AGBL1: variants seen among roughly 807,000 people sequenced by gnomAD.
AGBL1 encodes the protein cytosolic carboxypeptidase 4.
In AGBL1, 130 loss-of-function variants were observed where a neutral mutation model predicts 118.9. The observed-to-expected ratio is 1.09, with a 90% CI of 0.95 to 1.26. The LOEUF (loss-of-function observed/expected upper bound fraction) is 1.26. AGBL1 is among the 50% of genes most tolerant of loss of function. The pLI, the probability that AGBL1 is intolerant of heterozygous loss-of-function variation, is 0.00. For synonymous variants in AGBL1, 555 were observed against 478.9 expected (o/e 1.16, Z -2.08); for missense variants, 1,584 against 1,298.1 (o/e 1.22, Z -3.38).
At chr15:86,689,449 G>T (rs1193310797) in intron 22 of AGBL1, among the ~76,000 whole-genome samples, 1 of 152,074 alleles carries the variant, frequency 6.6e-6, no homozygotes, top group Non-Finnish European at 1.5e-5. Flanking sequence ...CTAGAATAAT[G>T]CCTGATGCAT....
chr15:86,924,459 C>T (rs924831199), intron 23 of AGBL1, among the ~76,000 whole-genome samples: 6 of 152,158 alleles, frequency 3.9e-5, no homozygotes, highest in Non-Finnish European at 7.4e-5. Flanking sequence ...GTAATATTAG[C>T]TATTGAAAAG....
At chr15:86,775,794 A>G (rs1327722309) in intron 22 of AGBL1, among the ~76,000 whole-genome samples, 1 of 152,134 alleles carries the variant, frequency 6.6e-6, no homozygotes, top group African/African-American at 2.4e-5. Flanking sequence ...AAACACATAA[A>G]AACATTTAGA....
rs997619331 is a variant in AGBL1 at position 86,387,189 on chromosome 15, T to A, written c.2375-10177T>A. ...GGGAGTTACTCTTTCGCCTGGGGCATCAAGAAAAGCTTCAGGTGGAAGGAC... is the reference window on the plus strand; with the variant it reads ...GGGAGTTACTCTTTCGCCTGGGGCAACAAGAAAAGCTTCAGGTGGAAGGAC... On this transcript the variant is annotated intron_variant, in intron 17 of 22. Coordinates refer to ENST00000614907, the MANE Select transcript of AGBL1 (RefSeq NM_001386094.1). Among the ~76,000 whole-genome samples, 19 of 152,074 alleles carry A rather than the reference T, an allele frequency of 1.2e-4. 1 individual carries two copies. Among genetic ancestry groups the A allele is most frequent in the Non-Finnish European group, 2.9e-5 (2 of 68,016 alleles).
chr15:86,161,092 C>A (rs1334242700), intron 5 of AGBL1, among the ~76,000 whole-genome samples: 1 of 152,176 alleles, frequency 6.6e-6, no homozygotes, highest in African/African-American at 2.4e-5. Context: ...GAAAGTAATA[C>A]CAGGGATTAA....
chr15:86,585,045 A>C (rs1192163839), intron 21 of AGBL1, among the ~76,000 whole-genome samples: 1 of 152,134 alleles, frequency 6.6e-6, no homozygotes, highest in African/African-American at 2.4e-5. Context: ...GTATCCTAAA[A>C]CTTTACTGAA....
intron 5 of AGBL1, among the ~76,000 whole-genome samples, chr15:86,203,097 A>C (rs1173543698): frequency 6.6e-6 from 1 of 152,152 alleles, no homozygotes; most frequent in Non-Finnish European, 1.5e-5. Flanking sequence ...AATAAAAAGA[A>C]TAATGATAGT....
chr15:86,960,846 G>A (rs1018709060), intron 23 of AGBL1, among the ~76,000 whole-genome samples: 3 of 151,978 alleles, frequency 2.0e-5, no homozygotes, highest in African/African-American at 4.8e-5. Context: ...AAAAACAAAC[G>A]CTGCATAATC....
chr15:86,389,164 T>C (rs1275472091), intron 17 of AGBL1, among the ~76,000 whole-genome samples: 1 of 152,060 alleles, frequency 6.6e-6, no homozygotes, highest in Non-Finnish European at 1.5e-5. Flanking sequence ...ATTAAAAAAA[T>C]AAGGAGTATA....
intron 5 of AGBL1, among the ~76,000 whole-genome samples, chr15:86,190,590 C>G (rs1567114959): frequency 6.6e-6 from 1 of 152,114 alleles, no homozygotes; most frequent in African/African-American, 2.4e-5. Context: ...CCAGGCCCAC[C>G]TGGGTTCCCT....
intron 22 of AGBL1, among the ~76,000 whole-genome samples, chr15:86,688,751 C>A (rs1362537255): frequency 2.0e-5 from 3 of 152,108 alleles, no homozygotes; most frequent in African/African-American, 4.8e-5. Flanking sequence ...ATTTGAAATA[C>A]TAATTGGATG....
chr15:86,140,341 TG>T (rs1470448178), intron 1 of AGBL1: 5 of 151,774 alleles, frequency 3.3e-5, no homozygotes, highest in African/African-American at 1.2e-4. Context: ...TTTAAGACCC[TG>T]GGGAGGCTTA....
intron 22 of AGBL1, among the ~76,000 whole-genome samples, chr15:86,857,616 G>C (rs745640749): frequency 6.6e-6 from 1 of 152,156 alleles, no homozygotes; most frequent in African/African-American, 2.4e-5. Context: ...CTTCTGAATA[G>C]ATCAGAACCT....
intron 21 of AGBL1, among the ~76,000 whole-genome samples, chr15:86,581,090 A>G (rs2084166140): frequency 6.6e-6 from 1 of 152,202 alleles, no homozygotes; most frequent in African/African-American, 2.4e-5. Context: ...ACTAAGTCAA[A>G]GTGTTGGAGA....
At chr15:86,252,307 T>G (rs150482265) in intron 7 of AGBL1, among the ~76,000 whole-genome samples, 1 of 152,298 alleles carries the variant, frequency 6.6e-6, no homozygotes, top group African/African-American at 2.4e-5. Context: ...TGTGGACCTG[T>G]GTAAGGAGGG....
chr15:86,782,622 G>T (rs61586661), intron 22 of AGBL1, among the ~76,000 whole-genome samples: 19,811 of 152,084 alleles, frequency 0.13, 1,425 homozygotes, highest in East Asian at 0.26. Context: ...TCTAACAATT[G>T]CATTAATTTT....
chr15:86,390,773 G>A (rs1026804698), intron 17 of AGBL1, among the ~76,000 whole-genome samples: 2 of 143,534 alleles, frequency 1.4e-5, no homozygotes, highest in Non-Finnish European at 3.0e-5. Flanking sequence ...GAGTTCTAGC[G>A]ATTCTCCTGC....
At chr15:86,830,561 G>A (rs2079090719) in intron 22 of AGBL1, among the ~76,000 whole-genome samples, 1 of 152,056 alleles carries the variant, frequency 6.6e-6, no homozygotes, top group Non-Finnish European at 1.5e-5. Context: ...TGGTAAAGAT[G>A]AAGGCTACAC....
At chr15:86,892,792 A>C (rs1289150703) in intron 22 of AGBL1, among the ~76,000 whole-genome samples, 1 of 152,186 alleles carries the variant, frequency 6.6e-6, no homozygotes, top group Non-Finnish European at 1.5e-5. Flanking sequence ...CCTTCCTCTT[A>C]AATGTGTTAA....
intron 21 of AGBL1, among the ~76,000 whole-genome samples, chr15:86,669,117 G>C (rs1038844724): frequency 6.6e-6 from 1 of 152,030 alleles, no homozygotes; most frequent in Non-Finnish European, 1.5e-5. Context: ...AAAAAGTTTA[G>C]CATTTTAAAA....
Sources: gnomAD v4.1 joint callset for allele counts (sites outside exome capture counted in the v4.1 genomes callset) on GRCh38, gnomAD v4.1.1 for gene constraint, MANE v1.5 for transcripts, NCBI Gene and HGNC (gene_info 2026-07-23, HGNC 2026-07-21) for gene names.